The following MSI2 variants were observed in gnomAD, a reference collection of about 807,000 sequenced individuals.
The protein encoded by MSI2 is musashi RNA binding protein 2.
MSI2 carries 17 observed loss-of-function variants against 45.6 expected under a neutral mutation model. That is an observed-to-expected ratio of 0.37 (90% confidence interval 0.26 to 0.56). The LOEUF is 0.56. Ranked by LOEUF, MSI2 falls within the 20% of genes least tolerant of loss-of-function variation. The pLI is 0.77. For missense variants in MSI2, 293 were observed against 444.2 expected, an observed-to-expected ratio of 0.66 and a Z score of 3.06; for synonymous variants, 156 against 158.2, an observed-to-expected ratio of 0.99 and a Z score of 0.11.
At chr17:57,619,351 C>G (rs1908058061) in intron 9 of MSI2, among the ~76,000 whole-genome samples, 1 of 152,206 alleles carries the variant, frequency 6.6e-6, no homozygotes, top group Admixed American at 6.5e-5. Context: ...CCTCCGCGAG[C>G]TTGTGGTCTA....
chr17:57,399,336 A>C (rs2083945968), intron 5 of MSI2, among the ~76,000 whole-genome samples: 1 of 152,260 alleles, frequency 6.6e-6, no homozygotes, highest in Admixed American at 6.5e-5. Context: ...TCTAATGGGC[A>C]GAAGGAAGTA....
intron 4 of MSI2, among the ~76,000 whole-genome samples, chr17:57,261,130 CTT>C (rs1907268491): frequency 6.6e-6 from 1 of 152,210 alleles, no homozygotes. Flanking sequence ...CTTTCCTCCT[CTT>C]TTTATCTGTG....
chr17:57,315,242 ATGTCT>A (rs1567752406), intron 5 of MSI2, among the ~76,000 whole-genome samples: 1 of 152,178 alleles, frequency 6.6e-6, no homozygotes, highest in East Asian at 1.9e-4. Flanking sequence ...CCGGATACCA[ATGTCT>A]TGTCCTGGTG....
intron 6 of MSI2, among the ~76,000 whole-genome samples, chr17:57,492,673 G>A (rs936603898): frequency 6.6e-6 from 1 of 151,958 alleles, no homozygotes; most frequent in Non-Finnish European, 1.5e-5. Context: ...GCAATGGCAC[G>A]ATCTCAACCT....
At chr17:57,517,434 C>T (rs750405140) in intron 6 of MSI2, among the ~76,000 whole-genome samples, 6 of 152,206 alleles carry the variant, frequency 3.9e-5, no homozygotes, top group Non-Finnish European at 7.3e-5. Flanking sequence ...CTATTTCAGG[C>T]ATCTAAGTGC....
downstream of MSI2, among the ~76,000 whole-genome samples, chr17:57,685,947 GGA>G (rs1339008967): frequency 9.2e-5 from 14 of 152,248 alleles, no homozygotes; most frequent in Admixed American, 3.3e-4. Context: ...AGGAGCCTAA[GGA>G]GAGAGGGAGC....
intron 6 of MSI2, among the ~76,000 whole-genome samples, chr17:57,515,623 T>A (rs1435246449): frequency 6.6e-6 from 1 of 152,164 alleles, no homozygotes; most frequent in African/African-American, 2.4e-5. Context: ...AATGCAGAGC[T>A]GTATATGAAA....
chr17:57,321,823 G>A (rs1455941889), intron 5 of MSI2, among the ~76,000 whole-genome samples: 1 of 151,840 alleles, frequency 6.6e-6, no homozygotes, highest in Non-Finnish European at 1.5e-5. Flanking sequence ...TTGAGACTGG[G>A]TCTCATTCTG....
At chr17:57,689,497 C>A (rs1295070834), downstream of MSI2, among the ~76,000 whole-genome samples, 2 of 152,126 alleles carry the variant, frequency 1.3e-5, no homozygotes, top group Non-Finnish European at 2.9e-5. Context: ...ATCCTTCCTA[C>A]CTTCCAAAGA....
chr17:57,638,025 A>C (rs1369594482), intron 10 of MSI2, among the ~76,000 whole-genome samples: 1 of 152,216 alleles, frequency 6.6e-6, no homozygotes, highest in Non-Finnish European at 1.5e-5. Flanking sequence ...ATCAGCAAAA[A>C]CACGTGAAAG....
At chr17:57,441,292 C>T (rs183646340) in intron 6 of MSI2, among the ~76,000 whole-genome samples, 415 of 152,232 alleles carry the variant, frequency 2.7e-3, no homozygotes, top group Non-Finnish European at 4.0e-3. Flanking sequence ...AAATTGCTGC[C>T]CTGAGGCTCT....
At chr17:57,673,776 A>T (rs1913003956) in intron 11 of MSI2, among the ~76,000 whole-genome samples, 3 of 151,720 alleles carry the variant, frequency 2.0e-5, no homozygotes, top group Admixed American at 2.0e-4. Context: ...CACTCTCTGG[A>T]TTTGTGCGTG....
intron 6 of MSI2, among the ~76,000 whole-genome samples, chr17:57,411,099 G>A (rs2084187568): frequency 6.6e-6 from 1 of 152,174 alleles, no homozygotes; most frequent in Admixed American, 6.5e-5. Context: ...CAGTCTCTGG[G>A]GCTCAGGTGA....
chr17:57,471,926 A>G (rs2085445294), intron 6 of MSI2, among the ~76,000 whole-genome samples: 1 of 152,154 alleles, frequency 6.6e-6, no homozygotes, highest in Non-Finnish European at 1.5e-5. Context: ...CAGCTACAAA[A>G]TGCCTGGCTC....
rs536594278 is a variant in MSI2, at chr17:57,412,874, A to G, written c.405+11403A>G. Reference sequence around the variant, plus strand: ...AGCTCATCTGTTTACTAGCTTGGTAACCTTGGGCAGGTCATTTAACTTCTT... The same window carrying G: ...AGCTCATCTGTTTACTAGCTTGGTAGCCTTGGGCAGGTCATTTAACTTCTT... On this transcript the variant is annotated intron_variant, in intron 6 of 13. Coordinates refer to ENST00000284073, the MANE Select transcript of MSI2 (RefSeq NM_138962.4). 2.6e-5 allele frequency among the ~76,000 whole-genome samples: 4 copies of G among 152,346 alleles called. No individual in the cohort carries two copies. The East Asian group carries it at 7.7e-4, about 29-fold the overall frequency.
chr17:57,675,965 C>T (rs1913200751), intron 12 of MSI2, among the ~76,000 whole-genome samples: 1 of 152,192 alleles, frequency 6.6e-6, no homozygotes, highest in South Asian at 2.1e-4. Context: ...GCTGTCCCTT[C>T]CATTTTGGAA....
chr17:57,359,712 T>C (rs571392681), intron 5 of MSI2, among the ~76,000 whole-genome samples: 4 of 152,212 alleles, frequency 2.6e-5, no homozygotes, highest in Non-Finnish European at 5.9e-5. Context: ...GAAATCCCAA[T>C]TGTTGAGGCC....
At chr17:57,641,539 C>T (rs1342159909) in intron 10 of MSI2, among the ~76,000 whole-genome samples, 1 of 152,092 alleles carries the variant, frequency 6.6e-6, no homozygotes, top group Non-Finnish European at 1.5e-5. Flanking sequence ...GTTTTGGGTA[C>T]AGGGAGAAGT....
chr17:57,276,608 G>A (rs1284479611), intron 5 of MSI2, among the ~76,000 whole-genome samples: 1 of 152,242 alleles, frequency 6.6e-6, no homozygotes, highest in Admixed American at 6.5e-5. Context: ...ACTTGAGGGA[G>A]GAACAAGACC....
Sources: allele counts gnomAD v4.1 joint callset (sites outside exome capture counted in the v4.1 genomes callset), GRCh38; gene constraint gnomAD v4.1.1; transcripts MANE v1.5; gene names NCBI Gene and HGNC (gene_info 2026-07-23, HGNC 2026-07-21).